The following ZNF567 variants were observed in gnomAD, a reference collection of about 807,000 sequenced individuals.
ZNF567 encodes zinc finger protein 567.
A neutral mutation model predicts 53.9 loss-of-function variants in ZNF567; 36 were observed. The observed-to-expected ratio is 0.67, with a 90% CI of 0.51 to 0.88. The LOEUF (loss-of-function observed/expected upper bound fraction) is 0.88. ZNF567 is among the 40% of genes least tolerant of loss of function. The probability of loss-of-function intolerance (pLI) is 0.00; values close to 1 mark genes in which losing one functional copy is unlikely to be tolerated. For synonymous variants in ZNF567, 224 were observed against 260.4 expected (o/e 0.86, Z 1.35); for missense variants, 619 against 764.7 (o/e 0.81, Z 2.25).
At chr19:36,724,195 A>G (rs948732839), downstream of ZNF567, among the ~76,000 whole-genome samples, 4 of 151,084 alleles carry the variant, frequency 2.6e-5, no homozygotes, top group Admixed American at 6.6e-5. Context: ...TAGTAGAGAT[A>G]GGGTTTCTCC....
intron 3 of ZNF567, among the ~76,000 whole-genome samples, chr19:36,708,849 G>A (rs185458259): frequency 2.6e-5 from 4 of 152,198 alleles, no homozygotes; most frequent in East Asian, 1.9e-4. Context: ...AGTCACATAC[G>A]TTTTAATGAT....
intron 2 of ZNF567, 53 bp downstream of exon 2, chr19:36,689,550 C>A (rs1392945992): frequency 6.6e-6 from 1 of 152,092 alleles, no homozygotes; most frequent in Non-Finnish European, 1.5e-5. Flanking sequence ...CCTCCAGATA[C>A]ACTTCCCTTC....
downstream of ZNF567, among the ~76,000 whole-genome samples, chr19:36,726,833 C>T (rs1034521964): frequency 2.6e-5 from 4 of 152,134 alleles, no homozygotes; most frequent in African/African-American, 7.2e-5. Flanking sequence ...GCTCCCTTCA[C>T]AGTCTTCCTG....
upstream of ZNF567, chr19:36,686,794 G>A (rs761426325): frequency 6.6e-6 from 1 of 152,198 alleles, no homozygotes; most frequent in Admixed American, 6.5e-5. Context: ...CACTGCAGCT[G>A]GGGTCTATAC....
At chr19:36,696,113 T>G (rs547459036) in intron 3 of ZNF567, among the ~76,000 whole-genome samples, 1 of 152,372 alleles carries the variant, frequency 6.6e-6, no homozygotes, top group East Asian at 1.9e-4. Context: ...TATTTTCACA[T>G]TTCTTCCAAT....
chr19:36,687,406 G>A (rs2095978190), upstream of ZNF567: 2 of 152,502 alleles, frequency 1.3e-5, no homozygotes, highest in African/African-American at 2.4e-5. Context: ...CTCACCGTGA[G>A]CGCCGCCCTC....
chr19:36,714,134 G>A (rs936801529), intron 5 of ZNF567, among the ~76,000 whole-genome samples: 5 of 151,970 alleles, frequency 3.3e-5, no homozygotes, highest in African/African-American at 1.2e-4. Flanking sequence ...GTCAGGAAAG[G>A]TTTATTTATT....
chr19:36,720,170 TG>T lies in ZNF567; in HGVS notation c.1449del (p.Lys484ArgfsTer5). On this transcript the variant is annotated frameshift_variant, in exon 6 of 6. Coordinates refer to ENST00000682579, the MANE Select transcript of ZNF567 (RefSeq NM_001322917.1). LOFTEE classifies it high-confidence loss of function. Reference protein sequence around the residue: ...GEKSYECPHCGKAFRMKSYLI... With the variant: ...GEKSYECPHCXKAFRMKSYLI... Reference sequence around the variant, plus strand: ...AGAAATCTTATGAATGTCCTCACTGTGGGAAGGCCTTTAGAATGAAGTCATA... The same window carrying T: ...AGAAATCTTATGAATGTCCTCACTGTGGAAGGCCTTTAGAATGAAGTCATA... 1 of 1,613,922 alleles carries T rather than the reference TG, an allele frequency of 6.2e-7. No individual in the cohort carries two copies. The highest frequency in any genetic ancestry group is 2.2e-5 in the East Asian group (1 of 44,824).
chr19:36,708,512 C>T, intron 3 of ZNF567, among the ~76,000 whole-genome samples: 1 of 152,070 alleles, frequency 6.6e-6, no homozygotes, highest in Non-Finnish European at 1.5e-5. Context: ...CATTAGGGTT[C>T]ACTATTGATA....
intron 2 of ZNF567, among the ~76,000 whole-genome samples, chr19:36,692,121 A>G (rs2038648516): frequency 1.3e-5 from 2 of 152,150 alleles, no homozygotes; most frequent in Non-Finnish European, 2.9e-5. Context: ...GAACATTCAC[A>G]TTCGGGTCTT....
Position 36,720,151 on chromosome 19 carries a change from C to G in ZNF567, c.1427C>G (p.Ser476Cys), listed in dbSNP as rs1350124809. The G allele has an allele frequency of 6.2e-7, 1 of 1,613,838 alleles. No individual in the cohort carries two copies. The highest frequency in any genetic ancestry group is 8.5e-7 in the Non-Finnish European group (1 of 1,179,996). Residue 476 changes from serine (S) to cysteine (C), a missense_variant, in exon 6 of 6, where the codon TCT becomes TGT. Coordinates refer to ENST00000682579, the MANE Select transcript of ZNF567 (RefSeq NM_001322917.1). ...CAGAGAACACATACAGGGGAGAAAT[C>G]TTATGAATGTCCTCACTGTGGGAAG... ...AHQRTHTGEK[S>C]YECPHCGKAF... is the part of the protein sequence containing the mutation.
the ZNF567 span, among the ~76,000 whole-genome samples, chr19:36,672,495 C>G: frequency 9.2e-5 from 14 of 152,116 alleles, no homozygotes; most frequent in Admixed American, 4.6e-4. Context: ...TTATCATCAC[C>G]CAATTGGCTC....
chr19:36,669,153 A>C, the ZNF567 span: 14 of 152,284 alleles, frequency 9.2e-5, no homozygotes, highest in African/African-American at 3.4e-4. Flanking sequence ...CATTTTATAT[A>C]AGGGACTTGA....
At chr19:36,722,547 G>A (rs1474891943), downstream of ZNF567, among the ~76,000 whole-genome samples, 4 of 152,178 alleles carry the variant, frequency 2.6e-5, no homozygotes, top group South Asian at 8.3e-4. Context: ...TGATCCATCC[G>A]CCTCAGCCTC....
chr19:36,688,988 A>G (rs963013454), intron 1 of ZNF567, among the ~76,000 whole-genome samples: 3 of 151,088 alleles, frequency 2.0e-5, no homozygotes, highest in African/African-American at 7.3e-5. Flanking sequence ...AGCCCCAGCT[A>G]CTCGGGAGCT....
rs1309147349 is a variant in ZNF567, at chr19:36,715,509, A to AATAATAATAATT, written c.223+2644_223+2645insAATAATAATTAT. ...TAATAATAATAATAATAATAATAAT[A>AATAATAATAATT]ATTATTATTATTATTATTATTATTA... On this transcript the variant is annotated intron_variant, in intron 5 of 5. Transcript: ENST00000682579. Among the ~76,000 whole-genome samples the AATAATAATAATT allele has an allele frequency of 1.4e-3, 65 of 45,808 alleles. 1 individual carries two copies. Among genetic ancestry groups the AATAATAATAATT allele is most frequent in the Non-Finnish European group, 2.0e-3 (52 of 25,642 alleles). The allele number at this position is 45,808 out of a possible 152,430, so 30.1% of individuals were successfully genotyped here.
At chr19:36,680,687 C>G in the ZNF567 span, among the ~76,000 whole-genome samples, 1 of 152,194 alleles carries the variant, frequency 6.6e-6, no homozygotes, top group Admixed American at 6.5e-5. Context: ...TAGACATCAG[C>G]AGGGCTGGAG....
downstream of ZNF567, chr19:36,723,049 T>C (rs2040317606): frequency 1.7e-6 from 1 of 602,958 alleles, no homozygotes; most frequent in African/African-American, 1.8e-5. Context: ...TTATAGGACT[T>C]ATAATCAGAA....
At chr19:36,668,874 A>C in the ZNF567 span, 264 of 152,252 alleles carry the variant, frequency 1.7e-3, no homozygotes, top group African/African-American at 6.1e-3. Context: ...AGTAGAGTGA[A>C]ATATATGACG....
Sources: allele counts gnomAD v4.1 joint callset (sites outside exome capture counted in the v4.1 genomes callset), GRCh38; gene constraint gnomAD v4.1.1; transcripts MANE v1.5; gene names NCBI Gene and HGNC (gene_info 2026-07-23, HGNC 2026-07-21).